AR: variants seen among roughly 807,000 people sequenced by gnomAD.
The protein encoded by AR is dihydrotestosterone receptor.
AR carries 8 observed loss-of-function variants against 53.9 expected under a neutral mutation model. That is an observed-to-expected ratio of 0.15 (90% CI 0.09 to 0.27). The LOEUF is 0.27. Ranked by LOEUF, AR falls within the 10% of genes least tolerant of loss-of-function variation. The probability of loss-of-function intolerance (pLI) is 1.00; values close to 1 mark genes in which losing one functional copy is unlikely to be tolerated. For synonymous variants in AR, 359 were observed against 316.4 expected (o/e 1.13, Z -1.43); for missense variants, 639 against 742.5 (o/e 0.86, Z 1.62).
chrX:67,700,343 G>A (rs774126443), intron 3 of AR, among the ~76,000 whole-genome samples: 64 of 111,550 alleles, frequency 5.7e-4, no homozygotes, highest in Non-Finnish European at 1.1e-3. Flanking sequence ...CAGGTGCAGA[G>A]GGCAGGAGGG....
chrX:67,615,594 T>C (rs1924079883), intron 1 of AR, among the ~76,000 whole-genome samples: 1 of 111,720 alleles, frequency 9.0e-6, no homozygotes, highest in Admixed American at 9.5e-5. Flanking sequence ...ACAGTAGCTT[T>C]AATCTGCATG....
chrX:67,645,668 C>T (rs993612349), intron 2 of AR, among the ~76,000 whole-genome samples: 94 of 110,799 alleles, frequency 8.5e-4, no homozygotes, highest in African/African-American at 2.9e-3. Flanking sequence ...GTTATTTTGA[C>T]ATATGGACCA....
chrX:67,646,329 G>A (rs865921386), intron 2 of AR, among the ~76,000 whole-genome samples: 3 of 110,902 alleles, frequency 2.7e-5, no homozygotes, highest in Non-Finnish European at 5.7e-5. Flanking sequence ...TGGAGAATTG[G>A]GGTGAGGGTG....
chrX:67,576,601 A>G (rs1922057734), intron 1 of AR, among the ~76,000 whole-genome samples: 1 of 111,174 alleles, frequency 9.0e-6, no homozygotes, highest in Non-Finnish European at 1.9e-5. Context: ...CTCCTAATAC[A>G]CTTATCCACG....
chrX:67,583,848 G>C lies in AR; in HGVS notation c.1616+37086G>C. Among the ~76,000 whole-genome samples, 4 of 111,865 alleles carry C rather than the reference G, an allele frequency of 3.6e-5. No individual in the cohort carries two copies. In the Middle Eastern group the frequency reaches 0.019, roughly 520 times the overall value. ...GGCCAGAATTTAGGAATACACATGTGATCTATACATTTTGAGGTATTGTCT... is the reference window on the plus strand; with the variant it reads ...GGCCAGAATTTAGGAATACACATGTCATCTATACATTTTGAGGTATTGTCT... On this transcript the variant is annotated intron_variant, in intron 1 of 7. Coordinates refer to ENST00000374690, the MANE Select transcript of AR (RefSeq NM_000044.6).
chrX:67,727,346 C>T lies in AR; in HGVS notation c.*3505C>T, dbSNP rs1202326720. On this transcript the variant is annotated 3_prime_UTR_variant, in exon 8 of 8. Coordinates refer to ENST00000374690, the MANE Select transcript of AR (RefSeq NM_000044.6). ...AAAAATATAGAGAGCTTCATTCTGT[C>T]CTTTGGGTAGTTGCTGAGGTAATTG... 5.9e-6 allele frequency: 1 copy of T among 169,383 alleles called. No homozygotes were observed. 14.0% of individuals were successfully genotyped at this position (169,383 alleles called of 1,213,427 possible).
intron 2 of AR, among the ~76,000 whole-genome samples, chrX:67,650,126 C>G (rs1347194472): frequency 3.6e-5 from 4 of 111,792 alleles, no homozygotes; most frequent in African/African-American, 1.3e-4. Flanking sequence ...TGAAAATTGC[C>G]ATACTGCCCA....
At chrX:67,669,283 C>T (rs889750104) in intron 2 of AR, among the ~76,000 whole-genome samples, 4 of 111,112 alleles carry the variant, frequency 3.6e-5, no homozygotes, top group African/African-American at 1.3e-4. Flanking sequence ...TTTAAATTTT[C>T]TTCTTTATTT....
At chrX:67,622,797 A>T (rs1015615665) in intron 1 of AR, among the ~76,000 whole-genome samples, 1 of 111,800 alleles carries the variant, frequency 8.9e-6, no homozygotes, top group Non-Finnish European at 1.9e-5. Flanking sequence ...AAGCAAAAAA[A>T]GTTTTTTCTT....
intron 1 of AR, among the ~76,000 whole-genome samples, chrX:67,566,268 G>T (rs1480441103): frequency 9.0e-6 from 1 of 111,456 alleles, no homozygotes; most frequent in East Asian, 2.8e-4. Flanking sequence ...GGATTCTGAG[G>T]CTACAAAGAG....
intron 5 of AR, among the ~76,000 whole-genome samples, chrX:67,718,590 A>C (rs1479683044): frequency 9.1e-6 from 1 of 110,008 alleles, no homozygotes; most frequent in Admixed American, 9.7e-5. Context: ...GGCAAGAAGG[A>C]AAAAAAAAGT....
At chrX:67,626,105 A>G (rs1408583050) in intron 1 of AR, among the ~76,000 whole-genome samples, 1 of 111,297 alleles carries the variant, frequency 9.0e-6, no homozygotes, top group East Asian at 2.8e-4. Flanking sequence ...TTATTTTTAA[A>G]TGTACAGTAC....
intron 1 of AR, among the ~76,000 whole-genome samples, chrX:67,594,009 T>C (rs1426312099): frequency 8.9e-6 from 1 of 112,048 alleles, no homozygotes; most frequent in Non-Finnish European, 1.9e-5. Flanking sequence ...TAGTGCCTTT[T>C]TTTGAGACAA....
intron 1 of AR, among the ~76,000 whole-genome samples, chrX:67,600,108 G>T (rs979767653): frequency 1.8e-5 from 2 of 111,484 alleles, no homozygotes; most frequent in East Asian, 2.8e-4. Flanking sequence ...AAAAAGCTAT[G>T]AGGGGATATA....
At chrX:67,634,324 CATA>C (rs1877249099) in intron 1 of AR, among the ~76,000 whole-genome samples, 1 of 111,760 alleles carries the variant, frequency 8.9e-6, no homozygotes, top group Non-Finnish European at 1.9e-5. Context: ...ACCACTTTCT[CATA>C]ATATTATTAC....
intron 2 of AR, among the ~76,000 whole-genome samples, chrX:67,645,310 A>G (rs1354542055): frequency 8.9e-6 from 1 of 111,835 alleles, no homozygotes; most frequent in Non-Finnish European, 1.9e-5. Flanking sequence ...TTTTGCTGTC[A>G]TATCATACAT....
intron 1 of AR, among the ~76,000 whole-genome samples, chrX:67,570,275 A>G (rs187065101): frequency 8.9e-6 from 1 of 112,286 alleles, no homozygotes; most frequent in Non-Finnish European, 1.9e-5. Context: ...TGTTGGCTCT[A>G]CGTCTGTGCA....
At position 67,662,967 on chromosome X, in the gene AR, C is replaced by A. The variant is rs1272961709; in HGVS notation, c.1768+19560C>A. On this transcript the variant is annotated intron_variant, in intron 2 of 7. Transcript: ENST00000374690. ...GCAATCCCTGCCTTTTTGTGTTTTC[C>A]GTTTGCTTGATAAATCTTCTTCCAT... is the stretch of plus-strand genomic sequence containing the variant. Among the ~76,000 whole-genome samples the A allele has an allele frequency of 4.5e-5, 5 of 111,050 alleles. No individual in the cohort carries two copies. The Admixed American group carries it at 4.8e-4, about 11-fold the overall frequency.
chrX:67,721,211 TC>T (rs1255077226), intron 5 of AR, among the ~76,000 whole-genome samples: 9 of 112,041 alleles, frequency 8.0e-5, no homozygotes, highest in African/African-American at 2.9e-4. Context: ...TCAAAAACAC[TC>T]CCTGGCAGAT....
Sources: gnomAD v4.1 joint callset for allele counts (sites outside exome capture counted in the v4.1 genomes callset) on GRCh38, gnomAD v4.1.1 for gene constraint, MANE v1.5 for transcripts, NCBI Gene and HGNC (gene_info 2026-07-23, HGNC 2026-07-21) for gene names.